PACRGL: variants seen among roughly 807,000 people sequenced by gnomAD.
The protein encoded by PACRGL is PACRG-like protein.
PACRGL carries 38 observed loss-of-function variants against 34.5 expected under a neutral mutation model. That is an observed-to-expected ratio of 1.10 (90% CI 0.85 to 1.44). The LOEUF (loss-of-function observed/expected upper bound fraction) is 1.44. Ranked by LOEUF, PACRGL falls within the 40% of genes most tolerant of loss-of-function variation. PACRGL has a pLI of 0.00. For missense variants in PACRGL, 305 were observed against 281.4 expected, an observed-to-expected ratio of 1.08 and a Z score of -0.60; for synonymous variants, 128 against 100.1, an observed-to-expected ratio of 1.28 and a Z score of -1.66.
rs1560290683 is a variant in PACRGL, at chr4:20,704,750, CAG to C, written c.146_147del (p.Glu49ValfsTer8). ...AAATCCTCATTGTCAACCAGTTCTC[CAG>C]AGTCTGCAAGAAAACTTCATCCTAG... On this transcript the variant is annotated frameshift_variant, in exon 3 of 9. Transcript: ENST00000503585. LOFTEE classifies it high-confidence loss of function. 6.2e-7 allele frequency: 1 copy of C among 1,614,066 alleles called. No homozygotes were observed. Among genetic ancestry groups the C allele is most frequent in the Non-Finnish European group, 8.5e-7 (1 of 1,179,950 alleles).
intron 8 of PACRGL, among the ~76,000 whole-genome samples, chr4:20,741,980 A>G (rs1383345958): frequency 6.6e-6 from 1 of 152,218 alleles, no homozygotes; most frequent in Non-Finnish European, 1.5e-5. Flanking sequence ...AAGAATGGAT[A>G]AATTCCTGGA....
intron 7 of PACRGL, among the ~76,000 whole-genome samples, chr4:20,718,175 T>C (rs1197782187): frequency 6.6e-6 from 1 of 152,206 alleles, no homozygotes; most frequent in Non-Finnish European, 1.5e-5. Flanking sequence ...TTTTGCACAT[T>C]GATTTTGTAT....
the PACRGL span, among the ~76,000 whole-genome samples, chr4:20,761,331 A>T: frequency 6.6e-6 from 1 of 152,216 alleles, no homozygotes; most frequent in Admixed American, 6.5e-5. Flanking sequence ...ATTTCTCTGA[A>T]GGACCCTAAT....
At chr4:20,707,740 A>T in intron 3 of PACRGL, 63 bp from the exon 4 acceptor site, 1 of 1,418,888 alleles carries the variant, frequency 7.0e-7, no homozygotes, top group Non-Finnish European at 9.9e-7. Context: ...GAAAAGCAAA[A>T]TGGCTGTGTG....
the PACRGL span, among the ~76,000 whole-genome samples, chr4:20,760,631 T>C: frequency 3.9e-5 from 6 of 152,242 alleles, no homozygotes; most frequent in South Asian, 6.2e-4. Context: ...TGAGCTTAGG[T>C]AGGCAAAATA....
chr4:20,762,221 C>A, the PACRGL span, among the ~76,000 whole-genome samples: 2 of 152,160 alleles, frequency 1.3e-5, no homozygotes, highest in Admixed American at 6.5e-5. Context: ...AAGGGGCGAG[C>A]TAGCTCTGTG....
At chr4:20,752,194 G>A (rs1003117214) in intron 8 of PACRGL, among the ~76,000 whole-genome samples, 2 of 151,938 alleles carry the variant, frequency 1.3e-5, no homozygotes, top group Non-Finnish European at 2.9e-5. Flanking sequence ...GAGTAGCTGG[G>A]ATTACAGGCA....
chr4:20,700,010 T>G (rs1731554203), upstream of PACRGL, among the ~76,000 whole-genome samples: 1 of 152,102 alleles, frequency 6.6e-6, no homozygotes, highest in Non-Finnish European at 1.5e-5. Context: ...AACAGGAAAC[T>G]ACAAGAAAAT....
At chr4:20,743,190 G>T (rs1751592556) in intron 8 of PACRGL, among the ~76,000 whole-genome samples, 1 of 152,082 alleles carries the variant, frequency 6.6e-6, no homozygotes, top group African/African-American at 2.4e-5. Flanking sequence ...TGGCCATACT[G>T]CCCAAGGTGT....
At chr4:20,733,048 G>C (rs979093067), downstream of PACRGL, among the ~76,000 whole-genome samples, 4 of 152,104 alleles carry the variant, frequency 2.6e-5, no homozygotes, top group Non-Finnish European at 5.9e-5. Context: ...ACCATAGTCA[G>C]GAAAAGAATA....
Position 20,727,169 on chromosome 4 carries a change from T to G in PACRGL, c.691-116T>G, listed in dbSNP as rs1746078922. 4 of 826,460 alleles carry G rather than the reference T, an allele frequency of 4.8e-6. No homozygotes were observed. In the Admixed American group the frequency reaches 8.7e-5, roughly 18 times the overall value. The allele number at this position is 826,460 out of a possible 1,614,324, so 51.2% of individuals were successfully genotyped here. A position where few individuals can be genotyped will look rare whatever the true frequency, so the allele number is the denominator to read the frequency against. The stretch of plus-strand genomic sequence containing the variant: ...AGTCCTTCTTATTTCATCATTTTGT[T>G]CTTACCCCTTTTTGTTTGAGTTTTA... On this transcript the variant is annotated intron_variant, in intron 8 of 8. Transcript: ENST00000503585.
At chr4:20,725,341 C>A (rs1489750218) in intron 8 of PACRGL, among the ~76,000 whole-genome samples, 1 of 139,872 alleles carries the variant, frequency 7.1e-6, no homozygotes, top group Non-Finnish European at 1.5e-5. Flanking sequence ...GCGTGCATAC[C>A]CCCATAGGTG....
intron 8 of PACRGL, among the ~76,000 whole-genome samples, chr4:20,741,637 C>T (rs1419279566): frequency 1.3e-5 from 2 of 152,148 alleles, no homozygotes; most frequent in African/African-American, 4.8e-5. Context: ...AAAATCAACA[C>T]CCTAACATCA....
Position 20,727,488 on chromosome 4 carries a change from TTCA to T in PACRGL, c.*151_*153del, listed in dbSNP as rs548238136. 475 of 591,352 alleles carry T rather than the reference TTCA, an allele frequency of 8.0e-4. 1 individual carries two copies. The highest frequency in any genetic ancestry group is 7.6e-3 in the African/African-American group (414 of 54,438). The allele number at this position is 591,352 out of a possible 1,614,324, so 36.6% of individuals were successfully genotyped here. ...ATGAATAGACACTGAATCAAAGTTA[TTCA>T]TCAACAAAAAAGAACAGTTACTAAT... is the stretch of plus-strand genomic sequence containing the variant. On this transcript the variant is annotated 3_prime_UTR_variant, in exon 9 of 9. Transcript: ENST00000503585.
At chr4:20,739,811 G>A (rs998758046) in intron 8 of PACRGL, among the ~76,000 whole-genome samples, 4 of 152,168 alleles carry the variant, frequency 2.6e-5, no homozygotes, top group Non-Finnish European at 4.4e-5. Flanking sequence ...AAAGGAAGAT[G>A]TTCGAACCCA....
chr4:20,761,666 T>G, the PACRGL span, among the ~76,000 whole-genome samples: 1 of 152,186 alleles, frequency 6.6e-6, no homozygotes, highest in Non-Finnish European at 1.5e-5. Context: ...CAAAGGGACC[T>G]CTGCATCAAC....
At chr4:20,733,230 C>G (rs1748775749), downstream of PACRGL, among the ~76,000 whole-genome samples, 1 of 152,078 alleles carries the variant, frequency 6.6e-6, no homozygotes, top group Non-Finnish European at 1.5e-5. Flanking sequence ...ATTGGTAAGT[C>G]TTAAGGTTCA....
intron 1 of PACRGL, 24 bp downstream of exon 1, chr4:20,700,811 T>TA (rs979072511): frequency 3.9e-5 from 6 of 152,304 alleles, no homozygotes; most frequent in African/African-American, 1.2e-4. Context: ...TCGGCCCCTT[T>TA]AAAAAATCTC....
chr4:20,717,935 A>G (rs972448472), intron 7 of PACRGL, among the ~76,000 whole-genome samples: 1 of 152,104 alleles, frequency 6.6e-6, no homozygotes, highest in East Asian at 1.9e-4. Context: ...CAGTATGGCC[A>G]TTTTCACCAT....
Sources: gnomAD v4.1 joint callset for allele counts (sites outside exome capture counted in the v4.1 genomes callset) on GRCh38, gnomAD v4.1.1 for gene constraint, MANE v1.5 for transcripts, NCBI Gene and HGNC (gene_info 2026-07-23, HGNC 2026-07-21) for gene names.